TRPM1: variants seen among roughly 807,000 people sequenced by gnomAD.
TRPM1 encodes TRPM1-203 APA Isoform, Intron 10.
Under a neutral mutation model 149.4 loss-of-function variants are expected in TRPM1, and 113 were observed. That is an observed-to-expected ratio of 0.76 (90% CI 0.65 to 0.88). TRPM1 has a LOEUF of 0.88. Among genes scored for constraint, TRPM1 ranks in the 40% least tolerant of loss-of-function variants. TRPM1 has a pLI of 0.00. For missense variants in TRPM1, 1,976 were observed against 2,038.7 expected (o/e 0.97, Z 0.59); for synonymous variants, 741 against 759.5 (o/e 0.98, Z 0.40).
rs113597265 is a variant in TRPM1, at chr15:31,152,595, C to T, written c.54+8311G>A. Among the ~76,000 whole-genome samples the T allele has an allele frequency of 2.4e-3, 368 of 152,326 alleles. 1 individual carries two copies. The highest frequency in any genetic ancestry group is 8.5e-3 in the African/African-American group (354 of 41,576). On this transcript the variant is annotated intron_variant, in intron 1 of 26. Coordinates refer to the TRPM1 transcript ENST00000542188. ...GGATTTGGACATGCCTCAGCATACC[C>T]TCCTTCTTTTGGAATTTAGGCACAA...
intron 1 of TRPM1, among the ~76,000 whole-genome samples, chr15:31,160,166 G>A (rs59799200): frequency 0.31 from 46,404 of 152,068 alleles, 7,692 homozygotes; most frequent in East Asian, 0.63. Flanking sequence ...GGGAGTTAGG[G>A]TGAGGTGGTG....
chr15:31,027,381 CAT>C (rs1278054629), intron 25 of TRPM1, among the ~76,000 whole-genome samples: 1 of 152,188 alleles, frequency 6.6e-6, no homozygotes, highest in African/African-American at 2.4e-5. Flanking sequence ...ACAATCTACT[CAT>C]ATACTCAGGA....
chr15:31,122,112 C>T (rs2035889112), intron 1 of TRPM1, among the ~76,000 whole-genome samples: 1 of 152,086 alleles, frequency 6.6e-6, no homozygotes, highest in Admixed American at 6.6e-5. Context: ...TGTAGAAGAG[C>T]ATTTGAGAAA....
chr15:31,077,921 T>G (rs1177790834), intron 2 of TRPM1, among the ~76,000 whole-genome samples: 1 of 151,844 alleles, frequency 6.6e-6, no homozygotes, highest in African/African-American at 2.4e-5. Flanking sequence ...TGCAGTGTAG[T>G]GTGTTGTGTG....
rs1322801478 is a variant in TRPM1 at position 31,067,935 on chromosome 15, A to T, written c.437T>A (p.Leu146Gln). The change falls in exon 5 of 28, where the codon CTG (leucine) becomes CAG (glutamine). Residue 146 changes from leucine to glutamine, a missense_variant. Coordinates refer to ENST00000256552, the MANE Select transcript of TRPM1 (RefSeq NM_001252024.2). ...PKLKQVFGKGLIKAAMTTGAW... is the reference protein window; with the variant it reads ...PKLKQVFGKGQIKAAMTTGAW... Reference sequence around the variant, plus strand: ...CCCGGTGGTCATAGCAGCCTTGATCAGGCCTTTCCCAAAGACTTGTTTCAG... The same window carrying T: ...CCCGGTGGTCATAGCAGCCTTGATCTGGCCTTTCCCAAAGACTTGTTTCAG... 6.2e-7 allele frequency: 1 copy of T among 1,614,000 alleles called. No homozygotes were observed. Among genetic ancestry groups the T allele is most frequent in the African/African-American group, 1.3e-5 (1 of 74,924 alleles).
chr15:31,099,872 C>T (rs2035475030), intron 1 of TRPM1, among the ~76,000 whole-genome samples: 1 of 152,032 alleles, frequency 6.6e-6, no homozygotes, highest in African/African-American at 2.4e-5. Context: ...AGAACCTGAC[C>T]AAAGGCAGTC....
chr15:31,032,937 G>C lies in TRPM1; in HGVS notation c.2704C>G (p.Leu902Val). ...CTGAGTTTGCCTGGTTCTGACATGA[G>C]GATCTGAAAACAAACCCCAAAGAAC... Reference protein sequence around the residue: ...SLALEKIREILMSEPGKLSQK... With the variant: ...SLALEKIREIVMSEPGKLSQK... The change falls in exon 22 of 28, where the codon CTC becomes GTC. Residue 902 changes from leucine (L) to valine (V), a missense_variant. Around this residue, in one of 3 missense-constraint regions of TRPM1, gnomAD observed 1,332 missense variants for 1,347.1 expected, o/e 0.99. Transcript: ENST00000256552. The C allele has an allele frequency of 6.2e-7, 1 of 1,614,102 alleles. No homozygotes were observed. Among genetic ancestry groups the C allele is most frequent in the Non-Finnish European group, 8.5e-7 (1 of 1,180,020 alleles).
At chr15:31,106,141 C>CTT, upstream of TRPM1, among the ~76,000 whole-genome samples, 1 of 139,908 alleles carries the variant, frequency 7.1e-6, no homozygotes, top group African/African-American at 2.6e-5. Context: ...TTTTTCTTTT[C>CTT]TTTTTTTTTT....
At chr15:31,026,499 C>T (rs2032763400) in intron 26 of TRPM1, among the ~76,000 whole-genome samples, 1 of 152,196 alleles carries the variant, frequency 6.6e-6, no homozygotes, top group Non-Finnish European at 1.5e-5. Flanking sequence ...AACAAAATTA[C>T]ATTTACTGGG....
intron 27 of TRPM1, 33 bp from the exon 28 acceptor site, chr15:31,003,103 T>A (rs777015501): frequency 1.3e-6 from 2 of 1,552,616 alleles, no homozygotes; most frequent in Non-Finnish European, 1.8e-6. Context: ...TTTATTAAAC[T>A]GAGATTAAGT....
Position 31,081,399 on chromosome 15 carries a change from A to G in TRPM1, c.-44T>C. The G allele has an allele frequency of 6.5e-7, 1 of 1,535,160 alleles. No individual in the cohort carries two copies. The highest frequency in any genetic ancestry group is 2.4e-5 in the East Asian group (1 of 40,926). On this transcript the variant is annotated 5_prime_UTR_variant, in exon 2 of 28. Coordinates refer to ENST00000256552, the MANE Select transcript of TRPM1 (RefSeq NM_001252024.2). ...TATAAGGAAATAGCCTCAGTCCAGC[A>G]CTGCAAGTTACTGCTGAGTCCTCAG...
chr15:31,079,271 C>T (rs1014916207), intron 2 of TRPM1, among the ~76,000 whole-genome samples: 2 of 152,210 alleles, frequency 1.3e-5, no homozygotes, highest in Non-Finnish European at 2.9e-5. Context: ...ATTATTATCT[C>T]CCAGTTTCTA....
At chr15:31,158,969 G>A (rs953973844) in intron 1 of TRPM1, among the ~76,000 whole-genome samples, 1 of 152,118 alleles carries the variant, frequency 6.6e-6, no homozygotes, top group African/African-American at 2.4e-5. Context: ...GACGAGGAAT[G>A]CCTAACTTTC....
chr15:31,074,134 A>G (rs28846507), intron 3 of TRPM1, among the ~76,000 whole-genome samples: 78,828 of 151,594 alleles, frequency 0.52, 20,770 homozygotes, highest in East Asian at 0.8. Context: ...ACCCATGTTC[A>G]TAATAGATAT....
intron 4 of TRPM1, among the ~76,000 whole-genome samples, chr15:31,069,187 T>G (rs1318768871): frequency 6.6e-6 from 1 of 152,214 alleles, no homozygotes; most frequent in Non-Finnish European, 1.5e-5. Context: ...CAAAGCTGGC[T>G]TAGCTAGAAC....
At chr15:31,072,012 T>TAGAGAGAG (rs1267389114) in intron 3 of TRPM1, among the ~76,000 whole-genome samples, 6 of 28,496 alleles carry the variant, frequency 2.1e-4, no homozygotes, top group African/African-American at 5.9e-4. Context: ...TATATATATA[T>TAGAGAGAG]ATATATAGAG....
intron 1 of TRPM1, among the ~76,000 whole-genome samples, chr15:31,124,243 C>T (rs2035915831): frequency 6.6e-6 from 1 of 151,732 alleles, no homozygotes; most frequent in South Asian, 2.1e-4. Context: ...CGAGATCGCG[C>T]CATCGTGCTC....
rs62038937 is a variant in TRPM1, at chr15:31,060,692, G to A, written c.1163-48C>T. ...TGATTTTTCACTCCACGCCTGGACC[G>A]CCAGGGTTTGGCAGGTGCTGGGTGG... On this transcript the variant is annotated intron_variant, in intron 10 of 27. Coordinates refer to ENST00000256552, the MANE Select transcript of TRPM1 (RefSeq NM_001252024.2). 5.7e-5 allele frequency: 87 copies of A among 1,515,442 alleles called. 1 individual carries two copies. Among genetic ancestry groups the A allele is most frequent in the Admixed American group, 3.7e-4 (21 of 57,008 alleles). 93.9% of individuals were successfully genotyped at this position (1,515,442 alleles called of 1,614,324 possible). A position where few individuals can be genotyped will look rare whatever the true frequency, so the allele number is the denominator to read the frequency against.
chr15:31,032,659 T>C (rs1433631656), intron 22 of TRPM1, 30 bp downstream of exon 22: 1 of 1,614,026 alleles, frequency 6.2e-7, no homozygotes, highest in Non-Finnish European at 8.5e-7. Context: ...CCAAAGTCTC[T>C]CTGGATACCC....
Sources: allele counts gnomAD v4.1 joint callset (sites outside exome capture counted in the v4.1 genomes callset), GRCh38; gene constraint gnomAD v4.1.1; regional missense constraint gnomAD v4.1.1; transcripts MANE v1.5; gene names NCBI Gene and HGNC (gene_info 2026-07-23, HGNC 2026-07-21).